CAST: variants seen among roughly 807,000 people sequenced by gnomAD.
The protein encoded by CAST is MIR583 host.
Under a neutral mutation model 119.6 loss-of-function variants are expected in CAST, and 76 were observed. The ratio of observed to expected loss-of-function variants is 0.64; its 90% CI spans 0.53 to 0.77. The LOEUF (loss-of-function observed/expected upper bound fraction) is 0.77, where lower values mean the gene tolerates loss of function less well. Among genes scored for constraint, CAST ranks in the 30% least tolerant of loss-of-function variants. The pLI is 0.00. For synonymous variants in CAST, 319 were observed against 331.6 expected (o/e 0.96, Z 0.41); for missense variants, 953 against 946.5 (o/e 1.01, Z -0.09).
intron 1 of CAST, among the ~76,000 whole-genome samples, chr5:96,555,746 G>T (rs530134690): frequency 1.3e-5 from 2 of 152,368 alleles, no homozygotes; most frequent in South Asian, 4.1e-4. Context: ...ACTGGGTGGA[G>T]CCCACTACAG....
intron 1 of CAST, among the ~76,000 whole-genome samples, chr5:96,606,802 C>T (rs1163900025): frequency 6.6e-6 from 1 of 152,176 alleles, no homozygotes; most frequent in Non-Finnish European, 1.5e-5. Flanking sequence ...GAACATTATA[C>T]TATCCTAGTG....
chr5:96,015,314 C>T, the CAST span, among the ~76,000 whole-genome samples: 1 of 151,912 alleles, frequency 6.6e-6, no homozygotes, highest in African/African-American at 2.4e-5. Context: ...TTTGACTGTA[C>T]TTTCAGGGCA....
the CAST span, among the ~76,000 whole-genome samples, chr5:95,995,864 C>T: frequency 1.3e-5 from 2 of 152,206 alleles, no homozygotes; most frequent in East Asian, 3.9e-4. Context: ...CATACCCCTG[C>T]CCACAGTAAG....
upstream of CAST, among the ~76,000 whole-genome samples, chr5:96,661,873 CAG>C (rs1491069742): frequency 6.6e-6 from 1 of 152,086 alleles, no homozygotes; most frequent in Admixed American, 6.5e-5. Context: ...CACACACACA[CAG>C]ACCAATTTGT....
the CAST span, chr5:96,392,950 C>T: frequency 6.3e-7 from 1 of 1,594,430 alleles, no homozygotes; most frequent in Non-Finnish European, 8.6e-7. Flanking sequence ...GGCAAAATCG[C>T]AGGGTAAGGA....
intron 3 of CAST, among the ~76,000 whole-genome samples, chr5:96,699,598 T>C (rs1401087300): frequency 6.6e-6 from 1 of 152,186 alleles, no homozygotes; most frequent in Admixed American, 6.6e-5. Flanking sequence ...AACATGGATT[T>C]CCTGGTGGGC....
At chr5:96,719,697 T>C (rs1182273370) in intron 3 of CAST, among the ~76,000 whole-genome samples, 1 of 152,180 alleles carries the variant, frequency 6.6e-6, no homozygotes, top group Non-Finnish European at 1.5e-5. Context: ...GGTATTTTGG[T>C]GTATATGAGC....
chr5:96,495,132 A>AC, the CAST span, among the ~76,000 whole-genome samples: 5 of 134,142 alleles, frequency 3.7e-5, no homozygotes, highest in Non-Finnish European at 8.4e-5. Context: ...CAAAAAAAAA[A>AC]AAAAAAAAGT....
chr5:96,438,387 C>T, the CAST span, among the ~76,000 whole-genome samples: 33 of 152,036 alleles, frequency 2.2e-4, no homozygotes, highest in Admixed American at 1.3e-3. Context: ...ATTTATAGAC[C>T]TTTATATTTT....
chr5:96,478,552 C>A, the CAST span, among the ~76,000 whole-genome samples: 1 of 152,224 alleles, frequency 6.6e-6, no homozygotes, highest in Non-Finnish European at 1.5e-5. Context: ...GCCTTACACC[C>A]TTTCACTCTT....
chr5:96,313,914 C>CA, the CAST span, among the ~76,000 whole-genome samples: 71 of 152,226 alleles, frequency 4.7e-4, no homozygotes, highest in South Asian at 1.7e-3. Context: ...TATCAGACAT[C>CA]AAAAAGATGT....
At chr5:96,416,123 T>C in the CAST span, 1 of 1,598,380 alleles carries the variant, frequency 6.3e-7, no homozygotes, top group Non-Finnish European at 8.6e-7. Context: ...GTCCCGTGTC[T>C]GAGGATTGAA....
chr5:95,999,802 A>G, the CAST span, among the ~76,000 whole-genome samples: 1 of 152,164 alleles, frequency 6.6e-6, no homozygotes, highest in Non-Finnish European at 1.5e-5. Flanking sequence ...TCGTAGTTTT[A>G]TGTTTAACTT....
chr5:96,632,481 C>T (rs1282441763), intron 1 of CAST, among the ~76,000 whole-genome samples: 2 of 151,216 alleles, frequency 1.3e-5, no homozygotes, highest in Non-Finnish European at 2.9e-5. Context: ...TTTTTAATTG[C>T]TTGTGTGTTT....
the CAST span, among the ~76,000 whole-genome samples, chr5:96,221,806 CTT>C: frequency 1.6e-3 from 246 of 152,156 alleles, 1 homozygote; most frequent in African/African-American, 5.6e-3. Context: ...TCAAAGGAAT[CTT>C]GAGCAAAAAG....
At chr5:96,166,210 T>C in the CAST span, among the ~76,000 whole-genome samples, 1 of 152,156 alleles carries the variant, frequency 6.6e-6, no homozygotes, top group Non-Finnish European at 1.5e-5. Flanking sequence ...CCACAGTAAA[T>C]GTAGTAAAAT....
the CAST span, among the ~76,000 whole-genome samples, chr5:96,119,989 T>C: frequency 6.6e-6 from 1 of 152,206 alleles, no homozygotes; most frequent in Non-Finnish European, 1.5e-5. Flanking sequence ...CTGAAAAGTA[T>C]GTGTCAATTT....
At chr5:96,313,346 C>T in the CAST span, among the ~76,000 whole-genome samples, 1 of 152,110 alleles carries the variant, frequency 6.6e-6, no homozygotes, top group Admixed American at 6.5e-5. Flanking sequence ...TCTGCCTCCT[C>T]CACTTCCAGA....
the CAST span, among the ~76,000 whole-genome samples, chr5:96,066,270 C>A: frequency 6.6e-6 from 1 of 152,198 alleles, no homozygotes; most frequent in East Asian, 1.9e-4. Context: ...AGCCTGTATC[C>A]CTTTTGCTAT....
Sources: allele counts gnomAD v4.1 joint callset (sites outside exome capture counted in the v4.1 genomes callset), GRCh38; gene constraint gnomAD v4.1.1; transcripts MANE v1.5; gene names NCBI Gene and HGNC (gene_info 2026-07-23, HGNC 2026-07-21).